The following RASAL2 variants were observed in gnomAD, a reference collection of about 807,000 sequenced individuals.
RASAL2 encodes ras GTPase-activating protein nGAP.
A neutral mutation model predicts 128.9 loss-of-function variants in RASAL2; 58 were observed. That is an observed-to-expected ratio of 0.45 (90% confidence interval 0.36 to 0.56). RASAL2 has a LOEUF of 0.56. Among genes scored for constraint, RASAL2 ranks in the 20% least tolerant of loss-of-function variants. RASAL2 has a pLI of 0.00. For missense variants in RASAL2, 1,360 were observed against 1,601.6 expected (o/e 0.85, Z 2.57); for synonymous variants, 561 against 580.8 (o/e 0.97, Z 0.49).
chr1:178,104,736 T>C (rs969917025), intron 1 of RASAL2, among the ~76,000 whole-genome samples: 4 of 152,210 alleles, frequency 2.6e-5, no homozygotes, highest in African/African-American at 7.2e-5. Context: ...ACATATTAAA[T>C]GCCTTGAGTC....
chr1:178,343,271 T>A (rs1285990112), intron 3 of RASAL2, among the ~76,000 whole-genome samples: 3 of 152,210 alleles, frequency 2.0e-5, no homozygotes, highest in Non-Finnish European at 4.4e-5. Context: ...ATTACTCCTC[T>A]CGGCTATATC....
At chr1:178,317,895 T>C (rs1307250457) in intron 3 of RASAL2, among the ~76,000 whole-genome samples, 2 of 151,946 alleles carry the variant, frequency 1.3e-5, no homozygotes, top group Non-Finnish European at 2.9e-5. Context: ...AGGGTGTCAA[T>C]TTTGGATCTT....
intron 1 of RASAL2, among the ~76,000 whole-genome samples, chr1:178,125,664 A>G (rs146538515): frequency 6.6e-6 from 1 of 152,288 alleles, no homozygotes; most frequent in East Asian, 1.9e-4. Context: ...CTGCTTTCTC[A>G]CACTTAGTAG....
At chr1:178,296,617 C>T (rs1667518193) in intron 2 of RASAL2, among the ~76,000 whole-genome samples, 1 of 151,540 alleles carries the variant, frequency 6.6e-6, no homozygotes, top group African/African-American at 2.4e-5. Context: ...CCCACCTTGA[C>T]CTCCCAAAGT....
At chr1:178,105,963 G>A (rs1311023729) in intron 1 of RASAL2, among the ~76,000 whole-genome samples, 1 of 152,046 alleles carries the variant, frequency 6.6e-6, no homozygotes. Flanking sequence ...GGCATGAGCT[G>A]CTGTACCCAG....
At chr1:178,119,801 C>G (rs12406779) in intron 1 of RASAL2, among the ~76,000 whole-genome samples, 13,307 of 152,244 alleles carry the variant, frequency 0.087, 618 homozygotes, top group Middle Eastern at 0.13. Flanking sequence ...ACTCACTAAT[C>G]CTCTCTAACG....
intron 3 of RASAL2, among the ~76,000 whole-genome samples, chr1:178,333,762 A>G (rs1669456025): frequency 6.6e-6 from 1 of 152,254 alleles, no homozygotes; most frequent in African/African-American, 2.4e-5. Flanking sequence ...TCTTGACTAT[A>G]CTAAAAAACA....
At chr1:178,102,998 T>C (rs976727977) in intron 1 of RASAL2, among the ~76,000 whole-genome samples, 10 of 152,218 alleles carry the variant, frequency 6.6e-5, no homozygotes, top group African/African-American at 2.4e-4. Flanking sequence ...GTTAGTGAAA[T>C]GACCAGAACA....
At chr1:178,423,529 T>C (rs928069950) in intron 5 of RASAL2, among the ~76,000 whole-genome samples, 11 of 152,142 alleles carry the variant, frequency 7.2e-5, no homozygotes, top group African/African-American at 2.7e-4. Flanking sequence ...ACAACCACCC[T>C]AAGAGATAGT....
intron 16 of RASAL2, 118 bp from the exon 17 acceptor site, chr1:178,467,216 G>C (rs368928909): frequency 3.3e-5 from 25 of 756,934 alleles, no homozygotes; most frequent in East Asian, 1.9e-4. Flanking sequence ...AGAGAAGAAA[G>C]AAAAGATGGT....
At chr1:178,207,326 C>A (rs1663087313) in intron 1 of RASAL2, among the ~76,000 whole-genome samples, 1 of 152,030 alleles carries the variant, frequency 6.6e-6, no homozygotes, top group Non-Finnish European at 1.5e-5. Flanking sequence ...TCTGCAGATT[C>A]AACCAACCAT....
intron 1 of RASAL2, among the ~76,000 whole-genome samples, chr1:178,211,076 A>C (rs1010536972): frequency 2.6e-5 from 4 of 152,194 alleles, no homozygotes; most frequent in Non-Finnish European, 4.4e-5. Context: ...TTATCCCTTT[A>C]GCTCCATGTG....
At chr1:178,345,634 G>C (rs1022580968) in intron 3 of RASAL2, among the ~76,000 whole-genome samples, 3 of 152,160 alleles carry the variant, frequency 2.0e-5, no homozygotes, top group Admixed American at 1.3e-4. Flanking sequence ...TCTCGAGTCA[G>C]ATCAGAGAAG....
intron 3 of RASAL2, among the ~76,000 whole-genome samples, chr1:178,314,133 A>G (rs754086599): frequency 6.6e-6 from 1 of 152,228 alleles, no homozygotes; most frequent in Non-Finnish European, 1.5e-5. Flanking sequence ...AGGGACCACG[A>G]TAGTAAAATA....
chr1:178,256,055 A>G (rs1269454734), intron 1 of RASAL2, among the ~76,000 whole-genome samples: 2 of 152,224 alleles, frequency 1.3e-5, no homozygotes, highest in Non-Finnish European at 2.9e-5. Context: ...CAGAGAAAAT[A>G]GACTAAACAG....
chr1:178,304,957 C>A (rs906660752), intron 3 of RASAL2, among the ~76,000 whole-genome samples: 1 of 152,114 alleles, frequency 6.6e-6, no homozygotes, highest in Non-Finnish European at 1.5e-5. Flanking sequence ...AGTAAAGTTA[C>A]AGGATACCAA....
intron 1 of RASAL2, among the ~76,000 whole-genome samples, chr1:178,167,051 A>C (rs893502405): frequency 6.6e-6 from 1 of 152,150 alleles, no homozygotes; most frequent in Non-Finnish European, 1.5e-5. Flanking sequence ...AAAATGTTCA[A>C]ACAAAAAATT....
intron 1 of RASAL2, among the ~76,000 whole-genome samples, chr1:178,162,505 T>C (rs1480210648): frequency 9.3e-6 from 1 of 108,080 alleles, no homozygotes; most frequent in Non-Finnish European, 1.9e-5. Flanking sequence ...TATTTTATAT[T>C]ATATATATTT....
intron 3 of RASAL2, among the ~76,000 whole-genome samples, chr1:178,371,688 G>A (rs1571948060): frequency 6.6e-6 from 1 of 152,018 alleles, no homozygotes; most frequent in Non-Finnish European, 1.5e-5. Flanking sequence ...AAGGGGAAGG[G>A]GGCTGCAGTT....
Sources: allele counts gnomAD v4.1 joint callset (sites outside exome capture counted in the v4.1 genomes callset), GRCh38; gene constraint gnomAD v4.1.1; transcripts MANE v1.5; gene names NCBI Gene and HGNC (gene_info 2026-07-23, HGNC 2026-07-21).